The following MAGI3 variants were observed in gnomAD, a reference collection of about 807,000 sequenced individuals.
MAGI3 encodes the protein membrane-associated guanylate kinase, WW and PDZ domain-containing protein 3.
MAGI3 carries 43 observed loss-of-function variants against 121.8 expected under a neutral mutation model. The ratio of observed to expected loss-of-function variants is 0.35; its 90% CI spans 0.28 to 0.46. MAGI3 has a LOEUF of 0.46. Ranked by LOEUF, MAGI3 falls within the 20% of genes least tolerant of loss-of-function variation. MAGI3 has a pLI of 1.00. For synonymous variants in MAGI3, 553 were observed against 639.3 expected (o/e 0.86, Z 2.04); for missense variants, 1,547 against 1,797.3 (o/e 0.86, Z 2.52).
At chr1:113,650,548 C>A (rs1323941582) in intron 13 of MAGI3, among the ~76,000 whole-genome samples, 3 of 152,284 alleles carry the variant, frequency 2.0e-5, no homozygotes, top group East Asian at 1.9e-4. Context: ...AGAAATGTCT[C>A]TGTGCTGTGT....
At chr1:113,521,407 TTTTTTGTTTTTTG>T (rs1658189483) in intron 1 of MAGI3, among the ~76,000 whole-genome samples, 2 of 125,418 alleles carry the variant, frequency 1.6e-5, no homozygotes, top group South Asian at 5.2e-4. Context: ...TTTTTTTTTG[TTTTTTGTTTTTTG>T]TTTTTAAGAT....
intron 13 of MAGI3, among the ~76,000 whole-genome samples, chr1:113,650,055 A>G (rs1341313538): frequency 1.3e-5 from 2 of 151,954 alleles, no homozygotes; most frequent in East Asian, 3.8e-4. Flanking sequence ...TAATATCAAT[A>G]TATTATATAT....
chr1:113,450,508 A>T (rs549005023), intron 1 of MAGI3: 8 of 1,014,206 alleles, frequency 7.9e-6, no homozygotes, highest in African/African-American at 4.7e-5. Flanking sequence ...GATATGGTGG[A>T]GGTGGTGGAG....
intron 1 of MAGI3, among the ~76,000 whole-genome samples, chr1:113,457,080 CTTT>C (rs1426345763): frequency 4.6e-5 from 7 of 152,160 alleles, no homozygotes; most frequent in African/African-American, 1.7e-4. Context: ...CATGCAAAGG[CTTT>C]CCAAGCTCCT....
chr1:113,475,650 AT>A lies in MAGI3; in HGVS notation c.317-73861del, dbSNP rs1655778185. Among the ~76,000 whole-genome samples, 3 of 151,846 alleles carry A rather than the reference AT, an allele frequency of 2.0e-5. No homozygotes were observed. In the South Asian group the frequency reaches 6.2e-4, roughly 32 times the overall value. Reference sequence around the variant, plus strand: ...TCAGTTTGTCAGTATTTTATTGAGGATTTTCGCATCAATACAGGGATATTGG... The same window carrying A: ...TCAGTTTGTCAGTATTTTATTGAGGATTTCGCATCAATACAGGGATATTGG... On this transcript the variant is annotated intron_variant, in intron 1 of 20. Transcript: ENST00000307546.
intron 1 of MAGI3, among the ~76,000 whole-genome samples, chr1:113,440,952 A>G (rs1007457985): frequency 1.3e-5 from 2 of 152,082 alleles, no homozygotes; most frequent in South Asian, 4.1e-4. Context: ...AAGAATGCTT[A>G]AAAAAATGCT....
At chr1:113,412,486 C>T (rs978227313) in intron 1 of MAGI3, among the ~76,000 whole-genome samples, 11 of 152,142 alleles carry the variant, frequency 7.2e-5, no homozygotes, top group African/African-American at 2.2e-4. Context: ...TACACTCCCA[C>T]CAATAGTGTA....
chr1:113,514,240 A>G (rs535127335), intron 1 of MAGI3, among the ~76,000 whole-genome samples: 1 of 152,232 alleles, frequency 6.6e-6, no homozygotes, highest in Admixed American at 6.5e-5. Context: ...ATCTAGAACT[A>G]GAAATACCAT....
intron 2 of MAGI3, among the ~76,000 whole-genome samples, chr1:113,567,057 GA>G (rs997710269): frequency 2.0e-4 from 29 of 146,664 alleles, no homozygotes; most frequent in Admixed American, 7.4e-4. Flanking sequence ...CTTAGATTAA[GA>G]AAAAAAGACT....
intron 2 of MAGI3, among the ~76,000 whole-genome samples, chr1:113,559,495 A>G (rs1299396502): frequency 6.6e-6 from 1 of 152,232 alleles, no homozygotes; most frequent in Non-Finnish European, 1.5e-5. Context: ...AAAGGGTTCA[A>G]TTCAACAATA....
intron 1 of MAGI3, among the ~76,000 whole-genome samples, chr1:113,545,716 T>C (rs1027877284): frequency 1.3e-5 from 2 of 152,230 alleles, no homozygotes; most frequent in African/African-American, 4.8e-5. Flanking sequence ...AACCAAGCTG[T>C]ATTTGTAAGA....
chr1:113,536,419 G>T (rs765758967), intron 1 of MAGI3, among the ~76,000 whole-genome samples: 1 of 152,008 alleles, frequency 6.6e-6, no homozygotes, highest in Non-Finnish European at 1.5e-5. Flanking sequence ...GTATAATGCT[G>T]TCTCAGTTCC....
chr1:113,430,299 G>A (rs1190576178), intron 1 of MAGI3, among the ~76,000 whole-genome samples: 1 of 152,090 alleles, frequency 6.6e-6, no homozygotes, highest in Non-Finnish European at 1.5e-5. Flanking sequence ...CACATACTAG[G>A]TATTCAAATT....
chr1:113,592,751 G>A (rs889892648), intron 5 of MAGI3, among the ~76,000 whole-genome samples: 1 of 152,114 alleles, frequency 6.6e-6, no homozygotes, highest in Non-Finnish European at 1.5e-5. Flanking sequence ...GGTGGCTCAC[G>A]CCTGTAATCC....
At chr1:113,625,445 A>G (rs1378141907) in intron 9 of MAGI3, among the ~76,000 whole-genome samples, 2 of 152,072 alleles carry the variant, frequency 1.3e-5, no homozygotes, top group African/African-American at 4.8e-5. Flanking sequence ...TAGGTATTTA[A>G]TCTTATTTGT....
intron 6 of MAGI3, among the ~76,000 whole-genome samples, chr1:113,612,663 G>A (rs1310985502): frequency 6.6e-6 from 1 of 152,140 alleles, no homozygotes; most frequent in Admixed American, 6.5e-5. Flanking sequence ...GGTATCAGTG[G>A]TAAAGGTGTA....
intron 1 of MAGI3, among the ~76,000 whole-genome samples, chr1:113,466,220 A>T (rs1281535340): frequency 6.6e-6 from 1 of 152,088 alleles, no homozygotes; most frequent in Non-Finnish European, 1.5e-5. Context: ...GTTGAATTTT[A>T]TCAAATGCTT....
intron 1 of MAGI3, among the ~76,000 whole-genome samples, chr1:113,407,071 A>G (rs368592555): frequency 6.6e-6 from 1 of 152,174 alleles, no homozygotes. Context: ...TTGAAGAAGT[A>G]GACGGGGACC....
chr1:113,643,669 C>A, intron 10 of MAGI3, 74 bp from the exon 11 acceptor site: 3 of 1,410,086 alleles, frequency 2.1e-6, no homozygotes, highest in Non-Finnish European at 3.0e-6. Context: ...CTAGTTTTAT[C>A]GTAAACATTA....
Sources: allele counts gnomAD v4.1 joint callset (sites outside exome capture counted in the v4.1 genomes callset), GRCh38; gene constraint gnomAD v4.1.1; transcripts MANE v1.5; gene names NCBI Gene and HGNC (gene_info 2026-07-23, HGNC 2026-07-21).